Variants in FBXL7 observed in about 807,000 individuals in gnomAD.
The protein encoded by FBXL7 is F-box/LRR-repeat protein 7.
FBXL7 carries 12 observed loss-of-function variants against 38.3 expected under a neutral mutation model. The observed-to-expected ratio is 0.31, with a 90% confidence interval of 0.20 to 0.51. The LOEUF (loss-of-function observed/expected upper bound fraction) is 0.51. Among genes scored for constraint, FBXL7 ranks in the 20% least tolerant of loss-of-function variants. FBXL7 has a pLI of 0.98. For synonymous variants in FBXL7, 297 were observed against 300.9 expected (o/e 0.99, Z 0.13); for missense variants, 567 against 676.4 (o/e 0.84, Z 1.79).
chr5:15,867,923 G>A (rs1419711137), intron 2 of FBXL7, among the ~76,000 whole-genome samples: 4 of 152,080 alleles, frequency 2.6e-5, no homozygotes, highest in Non-Finnish European at 5.9e-5. Flanking sequence ...GGCCAACATG[G>A]TGAAACCCCG....
In FBXL7 at chr5:15,661,737, A is replaced by T. The variant is rs975561968; in HGVS notation, c.127+45665A>T. Reference sequence around the variant, plus strand: ...AAATAGGTCCAAGCTTTGTGTTCATAAATCCTCATTATTTAGCTCCCACTA... The same window carrying T: ...AAATAGGTCCAAGCTTTGTGTTCATTAATCCTCATTATTTAGCTCCCACTA... On this transcript the variant is annotated intron_variant, in intron 2 of 3. Coordinates refer to ENST00000504595, the MANE Select transcript of FBXL7 (RefSeq NM_012304.5). 2.0e-5 allele frequency among the ~76,000 whole-genome samples: 3 copies of T among 152,214 alleles called. No homozygotes were observed. The South Asian group carries it at 6.2e-4, about 32-fold the overall frequency.
intron 2 of FBXL7, among the ~76,000 whole-genome samples, chr5:15,755,896 A>G (rs931864779): frequency 2.0e-5 from 3 of 152,224 alleles, no homozygotes; most frequent in Non-Finnish European, 4.4e-5. Context: ...TGTGTATTGC[A>G]TCAACTGCTC....
intron 2 of FBXL7, among the ~76,000 whole-genome samples, chr5:15,784,449 AAATTAAT>A (rs1441913756): frequency 2.0e-5 from 3 of 152,196 alleles, no homozygotes; most frequent in Non-Finnish European, 4.4e-5. Context: ...TATTATGTTG[AAATTAAT>A]AATTTAGAGA....
At chr5:15,655,387 G>A (rs561478966) in intron 2 of FBXL7, among the ~76,000 whole-genome samples, 1 of 151,884 alleles carries the variant, frequency 6.6e-6, no homozygotes, top group Non-Finnish European at 1.5e-5. Context: ...GCAGCTACTT[G>A]GAAGGCCGAG....
chr5:15,875,695 C>T (rs895414423), intron 2 of FBXL7, among the ~76,000 whole-genome samples: 1 of 152,154 alleles, frequency 6.6e-6, no homozygotes, highest in African/African-American at 2.4e-5. Context: ...ATCAAAACCA[C>T]AATGAAATAC....
At chr5:15,549,979 G>C (rs534742929) in intron 1 of FBXL7, among the ~76,000 whole-genome samples, 1 of 152,178 alleles carries the variant, frequency 6.6e-6, no homozygotes, top group East Asian at 1.9e-4. Context: ...CTGCATGCAA[G>C]GTACCTGCAG....
At chr5:15,545,321 G>C (rs898883280) in intron 1 of FBXL7, among the ~76,000 whole-genome samples, 1 of 152,106 alleles carries the variant, frequency 6.6e-6, no homozygotes, top group Non-Finnish European at 1.5e-5. Flanking sequence ...TCTTAGAGGT[G>C]GTCTGATATT....
chr5:15,833,220 G>A (rs1738504273), intron 2 of FBXL7, among the ~76,000 whole-genome samples: 1 of 152,146 alleles, frequency 6.6e-6, no homozygotes, highest in African/African-American at 2.4e-5. Context: ...TCTGGAAGGT[G>A]GGGAGTCCAT....
intron 1 of FBXL7, among the ~76,000 whole-genome samples, chr5:15,503,581 C>A (rs956295742): frequency 6.6e-6 from 1 of 152,208 alleles, no homozygotes; most frequent in Non-Finnish European, 1.5e-5. Context: ...TACCTTACTT[C>A]CGATTTTTGT....
intron 2 of FBXL7, among the ~76,000 whole-genome samples, chr5:15,697,830 A>G (rs766505341): frequency 2.0e-5 from 3 of 152,216 alleles, no homozygotes; most frequent in East Asian, 1.9e-4. Flanking sequence ...TTTAATGCCA[A>G]TGCTATTTTG....
chr5:15,885,666 G>A (rs1740645930), intron 2 of FBXL7, among the ~76,000 whole-genome samples: 1 of 152,174 alleles, frequency 6.6e-6, no homozygotes, highest in Admixed American at 6.5e-5. Flanking sequence ...GTGGCCATAT[G>A]TATAAGTCGC....
At chr5:15,710,077 TC>T (rs1743815730) in intron 2 of FBXL7, among the ~76,000 whole-genome samples, 1 of 152,160 alleles carries the variant, frequency 6.6e-6, no homozygotes, top group African/African-American at 2.4e-5. Flanking sequence ...TCCACTCTTG[TC>T]CCTTTTAGCC....
chr5:15,501,358 T>TA (rs956456409), intron 1 of FBXL7: 32 of 935,328 alleles, frequency 3.4e-5, no homozygotes, highest in Non-Finnish European at 4.1e-5. Flanking sequence ...AGGGAAACTT[T>TA]AAACTCCACC....
At chr5:15,502,739 A>G (rs577295123) in intron 1 of FBXL7, among the ~76,000 whole-genome samples, 3 of 152,330 alleles carry the variant, frequency 2.0e-5, no homozygotes, top group African/African-American at 4.8e-5. Flanking sequence ...GGGATGTAAT[A>G]TATGTAATGG....
intron 1 of FBXL7, among the ~76,000 whole-genome samples, chr5:15,549,979 G>A (rs534742929): frequency 1.3e-5 from 2 of 152,296 alleles, no homozygotes; most frequent in African/African-American, 2.4e-5. Flanking sequence ...CTGCATGCAA[G>A]GTACCTGCAG....
intron 2 of FBXL7, among the ~76,000 whole-genome samples, chr5:15,850,784 A>G (rs1455762172): frequency 6.6e-6 from 1 of 152,222 alleles, no homozygotes; most frequent in African/African-American, 2.4e-5. Flanking sequence ...AGTTCACTAT[A>G]AAGTGGAAAG....
chr5:15,919,735 G>A (rs569885758), intron 2 of FBXL7, among the ~76,000 whole-genome samples: 4 of 152,188 alleles, frequency 2.6e-5, no homozygotes, highest in East Asian at 3.9e-4. Context: ...TAATTCAAAC[G>A]TTATATTTAT....
chr5:15,639,138 T>C (rs1741276822), intron 2 of FBXL7, among the ~76,000 whole-genome samples: 1 of 152,200 alleles, frequency 6.6e-6, no homozygotes, highest in African/African-American at 2.4e-5. Flanking sequence ...TCTGGCACAG[T>C]GATTTATTCT....
intron 2 of FBXL7, among the ~76,000 whole-genome samples, chr5:15,704,662 A>G (rs759721698): frequency 1.3e-5 from 2 of 152,344 alleles, no homozygotes; most frequent in Middle Eastern, 3.4e-3. Context: ...GTTAAATACT[A>G]TTGCAAACAA....
Sources: allele counts gnomAD v4.1 joint callset (sites outside exome capture counted in the v4.1 genomes callset), GRCh38; gene constraint gnomAD v4.1.1; transcripts MANE v1.5; gene names NCBI Gene and HGNC (gene_info 2026-07-23, HGNC 2026-07-21).